HSPA1B: variants seen among roughly 807,000 people sequenced by gnomAD.
HSPA1B encodes heat shock protein family A (Hsp70) member 1B.
In HSPA1B, 7 loss-of-function variants were observed where a neutral mutation model predicts 9.0. The observed-to-expected ratio is 0.78, with a 90% CI of 0.44 to 1.46. The LOEUF is 1.46. Ranked by LOEUF, HSPA1B falls within the 40% of genes most tolerant of loss-of-function variation. HSPA1B has a pLI of 0.01. For missense variants in HSPA1B, 199 were observed against 424.5 expected, an observed-to-expected ratio of 0.47 and a Z score of 4.67; for synonymous variants, 125 against 184.5, an observed-to-expected ratio of 0.68 and a Z score of 2.61.
At position 31,829,986 on chromosome 6, in the gene HSPA1B, C is replaced by A; in HGVS notation, c.*110C>A. 7.9e-7 allele frequency: 1 copy of A among 1,262,916 alleles called. No homozygotes were observed. Among genetic ancestry groups the A allele is most frequent in the Non-Finnish European group, 1.1e-6 (1 of 930,138 alleles). 78.2% of individuals were successfully genotyped at this position (1,262,916 alleles called of 1,614,324 possible). A position where few individuals can be genotyped will look rare whatever the true frequency, so the allele number is the denominator to read the frequency against. On this transcript the variant is annotated 3_prime_UTR_variant, in exon 1 of 1. Coordinates refer to ENST00000375650, the MANE Select transcript of HSPA1B (RefSeq NM_005346.6). The stretch of plus-strand genomic sequence containing the variant: ...GCTTCAGCTCTTTGCTGCTTCACTT[C>A]TTTGTAAAGTTGTAACCTGATGGTA...
At position 31,829,998 on chromosome 6, in the gene HSPA1B, G is replaced by A. The variant is rs1816921698; in HGVS notation, c.*122G>A. ...TGCTGCTTCACTTCTTTGTAAAGTT[G>A]TAACCTGATGGTAATTAGCTGGCTT... On this transcript the variant is annotated 3_prime_UTR_variant, in exon 1 of 1. Coordinates refer to ENST00000375650, the MANE Select transcript of HSPA1B (RefSeq NM_005346.6). 1.3e-6 allele frequency: 1 copy of A among 767,624 alleles called. No individual in the cohort carries two copies. The allele number at this position is 767,624 out of a possible 1,614,324, so 47.6% of individuals were successfully genotyped here.
Position 31,828,414 on chromosome 6 carries a change from G to A in HSPA1B, c.464G>A (p.Arg155His). ...TVPAYFNDSQ[R>H]QATKDAGVIA... is the part of the protein sequence containing the mutation. ...CCGGCCTACTTCAACGACTCGCAGC[G>A]CCAGGCCACCAAGGATGCGGGTGTG... is the stretch of plus-strand genomic sequence containing the variant. Residue 155 changes from arginine to histidine, a missense_variant, in exon 1 of 1, where the codon CGC (arginine) becomes CAC (histidine). Coordinates refer to ENST00000375650, the MANE Select transcript of HSPA1B (RefSeq NM_005346.6). The A allele has an allele frequency of 2.7e-6, 1 of 366,604 alleles. No individual in the cohort carries two copies. The allele number at this position is 366,604 out of a possible 1,614,324, so 22.7% of individuals were successfully genotyped here.
chr6:31,827,773 C>G lies in HSPA1B; in HGVS notation c.-178C>G, dbSNP rs6457452. 106 of 1,389,236 alleles carry G rather than the reference C, an allele frequency of 7.6e-5. 1 individual carries two copies. The African/African-American group carries it at 1.4e-3, about 19-fold the overall frequency. The allele number at this position is 1,389,236 out of a possible 1,614,324, so 86.1% of individuals were successfully genotyped here. A position where few individuals can be genotyped will look rare whatever the true frequency, so the allele number is the denominator to read the frequency against. On this transcript the variant is annotated 5_prime_UTR_variant, in exon 1 of 1. Transcript: ENST00000375650. ...CCTGAGGAGCTGCTGCGAGGGTCCG[C>G]TTCGTCTTTCGAGAGTGACTCCCGC...
rs9279427 is a variant in HSPA1B, at chr6:31,830,146, G to GTTTTTTTTTTTTTTTTTTTTTTTTTT, written c.*294_*295insTTTTTTTTTTTTTTTTTTTTTTTTTT. On this transcript the variant is annotated 3_prime_UTR_variant, in exon 1 of 1. Coordinates refer to ENST00000375650, the MANE Select transcript of HSPA1B (RefSeq NM_005346.6). ...TGCCACCTTCTGTACGAGTTTGTTTGTTTTTTTTTTTTTTTTTTTTTTTTG... is the reference window on the plus strand; with the variant it reads ...TGCCACCTTCTGTACGAGTTTGTTTGTTTTTTTTTTTTTTTTTTTTTTTTTTTTTTTTTTTTTTTTTTTTTTTTTTG... 2 of 80,724 alleles carry GTTTTTTTTTTTTTTTTTTTTTTTTTT rather than the reference G, an allele frequency of 2.5e-5. No homozygotes were observed. Among genetic ancestry groups the GTTTTTTTTTTTTTTTTTTTTTTTTTT allele is most frequent in the Non-Finnish European group, 2.2e-5 (1 of 45,756 alleles). 5.0% of individuals were successfully genotyped at this position (80,724 alleles called of 1,614,324 possible). A position where few individuals can be genotyped will look rare whatever the true frequency, so the allele number is the denominator to read the frequency against.
In HSPA1B at chr6:31,827,901, C is replaced by G. The variant is rs768546865; in HGVS notation, c.-50C>G. On this transcript the variant is annotated 5_prime_UTR_variant, in exon 1 of 1. Transcript: ENST00000375650. Reference sequence around the variant, plus strand: ...AGCTCTTGTCGCGGATCCCGTCCGCCGTTTCCAGCCCCCAGTCTCAGAGCG... The same window carrying G: ...AGCTCTTGTCGCGGATCCCGTCCGCGGTTTCCAGCCCCCAGTCTCAGAGCG... 1 of 1,613,266 alleles carries G rather than the reference C, an allele frequency of 6.2e-7. No homozygotes were observed. The highest frequency in any genetic ancestry group is 8.5e-7 in the Non-Finnish European group (1 of 1,179,812).
rs768215193 is a variant in HSPA1B at position 31,828,151 on chromosome 6, G to A, written c.201G>A (p.Val67=). Residue 67 remains valine (V), a synonymous_variant, in exon 1 of 1, where the codon GTG becomes GTA. Transcript: ENST00000375650. ...TGGCGCTGAACCCGCAGAACACCGT[G>A]TTTGACGCGAAGCGGCTGATTGGCC... The part of the protein sequence containing the change: ...NQVALNPQNT[V]FDAKRLIGRK... The A allele has an allele frequency of 3.0e-5, 45 of 1,504,070 alleles. No homozygotes were observed. The highest frequency in any genetic ancestry group is 3.8e-5 in the Non-Finnish European group (43 of 1,117,564). 93.2% of individuals were successfully genotyped at this position (1,504,070 alleles called of 1,614,324 possible). A position where few individuals can be genotyped will look rare whatever the true frequency, so the allele number is the denominator to read the frequency against.
At position 31,827,809 on chromosome 6, in the gene HSPA1B, C is replaced by T. The variant is rs1251925188; in HGVS notation, c.-142C>T. The T allele has an allele frequency of 1.3e-6, 2 of 1,541,782 alleles. No homozygotes were observed. Among genetic ancestry groups the T allele is most frequent in the Non-Finnish European group, 1.8e-6 (2 of 1,133,756 alleles). ...GAGAGTGACTCCCGCGGTCCCAAGG[C>T]TTTCCAGAGCGAACCTGTGCGGCTG... On this transcript the variant is annotated 5_prime_UTR_variant, in exon 1 of 1. Coordinates refer to ENST00000375650, the MANE Select transcript of HSPA1B (RefSeq NM_005346.6).
Position 31,827,755 on chromosome 6 carries a change from A to G in HSPA1B, c.-196A>G, listed in dbSNP as rs1237077980. 3 of 1,251,686 alleles carry G rather than the reference A, an allele frequency of 2.4e-6. No homozygotes were observed. The African/African-American group carries it at 4.4e-5, about 19-fold the overall frequency. 77.5% of individuals were successfully genotyped at this position (1,251,686 alleles called of 1,614,324 possible). On this transcript the variant is annotated 5_prime_UTR_variant, in exon 1 of 1. Transcript: ENST00000375650. ...GGTCCGGAAAACGGCCAGCCTGAGG[A>G]GCTGCTGCGAGGGTCCGCTTCGTCT...
chr6:31,829,848 C>T lies in HSPA1B; in HGVS notation c.1898C>T (p.Ser633Leu). The T allele has an allele frequency of 1.9e-6, 3 of 1,612,654 alleles. No individual in the cohort carries two copies. The highest frequency in any genetic ancestry group is 2.5e-6 in the Non-Finnish European group (3 of 1,179,868). The part of the protein sequence containing the change: ...GAQGPKGGSG[S>L]GPTIEEVD Reference sequence around the variant, plus strand: ...CAGGGTCCCAAGGGAGGGTCTGGGTCAGGCCCTACCATTGAGGAGGTGGAT... The same window carrying T: ...CAGGGTCCCAAGGGAGGGTCTGGGTTAGGCCCTACCATTGAGGAGGTGGAT... Residue 633 changes from serine to leucine, a missense_variant, in exon 1 of 1, where the codon TCA (serine) becomes TTA (leucine). By Grantham distance (145) the Ser-to-Leu change is moderately radical. This residue lies in a region of HSPA1B where 67 missense variants were observed against 106.4 expected (regional missense o/e 0.63). Coordinates refer to ENST00000375650, the MANE Select transcript of HSPA1B (RefSeq NM_005346.6).
chr6:31,827,819 C>T lies in HSPA1B; in HGVS notation c.-132C>T, dbSNP rs1224316347. 2.6e-6 allele frequency: 4 copies of T among 1,563,152 alleles called. No homozygotes were observed. The highest frequency in any genetic ancestry group is 2.3e-5 in the South Asian group (2 of 87,654). ...CCCGCGGTCCCAAGGCTTTCCAGAG[C>T]GAACCTGTGCGGCTGCAGGCACCGG... On this transcript the variant is annotated 5_prime_UTR_variant, in exon 1 of 1. Coordinates refer to ENST00000375650, the MANE Select transcript of HSPA1B (RefSeq NM_005346.6).
chr6:31,829,948 C>T lies in HSPA1B; in HGVS notation c.*72C>T. The T allele has an allele frequency of 6.5e-7, 1 of 1,544,146 alleles. No individual in the cohort carries two copies. Among genetic ancestry groups the T allele is most frequent in the East Asian group, 2.3e-5 (1 of 44,250 alleles). ...ACTCAAGGACTTTGCTGCTGTTTTCCTATGTCATTTCTGCTTCAGCTCTTT... is the reference window on the plus strand; with the variant it reads ...ACTCAAGGACTTTGCTGCTGTTTTCTTATGTCATTTCTGCTTCAGCTCTTT... On this transcript the variant is annotated 3_prime_UTR_variant, in exon 1 of 1. Transcript: ENST00000375650.
rs1292155555 is a variant in HSPA1B, at chr6:31,828,008, G to A, written c.58G>A (p.Val20Met). ...DLGTTYSCVGVFQHGKVEIIA... is the reference protein window; with the variant it reads ...DLGTTYSCVGMFQHGKVEIIA... Reference sequence around the variant, plus strand: ...GGGCACCACCTACTCCTGCGTGGGGGTGTTCCAACACGGCAAGGTGGAGAT... The same window carrying A: ...GGGCACCACCTACTCCTGCGTGGGGATGTTCCAACACGGCAAGGTGGAGAT... Residue 20 changes from valine (V) to methionine (M), a missense_variant, in exon 1 of 1, where the codon GTG becomes ATG. Physicochemically the swap from Val to Met is conservative, Grantham distance 21. This residue lies in a region of HSPA1B where 51 missense variants were observed against 70.9 expected (regional missense o/e 0.72). Transcript: ENST00000375650. 2.5e-6 allele frequency: 4 copies of A among 1,611,724 alleles called. No individual in the cohort carries two copies. The Admixed American group carries it at 5.0e-5, about 20-fold the overall frequency.
rs1816899694 is a variant in HSPA1B, at chr6:31,829,759, T to C, written c.1809T>C (p.Cys603=). 1 of 1,612,370 alleles carries C rather than the reference T, an allele frequency of 6.2e-7. No homozygotes were observed. The highest frequency in any genetic ancestry group is 8.5e-7 in the Non-Finnish European group (1 of 1,179,920). ...AGAGGAAGGAGCTGGAGCAGGTGTG[T>C]AACCCCATCATCAGCGGACTGTACC... ...EHKRKELEQV[C]NPIISGLYQG... Residue 603 remains cysteine (C), a synonymous_variant, in exon 1 of 1, where the codon TGT becomes TGC. Coordinates refer to ENST00000375650, the MANE Select transcript of HSPA1B (RefSeq NM_005346.6).
Position 31,829,930 on chromosome 6 carries a change from G to C in HSPA1B, c.*54G>C. On this transcript the variant is annotated 3_prime_UTR_variant, in exon 1 of 1. Transcript: ENST00000375650. Reference sequence around the variant, plus strand: ...TTGAGGTGGACTGTTGGGACTCAAGGACTTTGCTGCTGTTTTCCTATGTCA... The same window carrying C: ...TTGAGGTGGACTGTTGGGACTCAAGCACTTTGCTGCTGTTTTCCTATGTCA... The C allele has an allele frequency of 6.3e-7, 1 of 1,575,892 alleles. No individual in the cohort carries two copies.
chr6:31,828,381 T>G lies in HSPA1B; in HGVS notation c.431T>G (p.Ile144Ser). The G allele has an allele frequency of 2.4e-6, 1 of 409,794 alleles. No individual in the cohort carries two copies. The highest frequency in any genetic ancestry group is 4.1e-6 in the Non-Finnish European group (1 of 244,388). The allele number at this position is 409,794 out of a possible 1,614,324, so 25.4% of individuals were successfully genotyped here. A position where few individuals can be genotyped will look rare whatever the true frequency, so the allele number is the denominator to read the frequency against. The change falls in exon 1 of 1, where the codon ATC becomes AGC. Residue 144 changes from isoleucine to serine, a missense_variant. Transcript: ENST00000375650. Reference sequence around the variant, plus strand: ...GGCTACCCGGTGACCAACGCGGTGATCACCGTGCCGGCCTACTTCAACGAC... The same window carrying G: ...GGCTACCCGGTGACCAACGCGGTGAGCACCGTGCCGGCCTACTTCAACGAC... Reference protein sequence around the residue: ...YLGYPVTNAVITVPAYFNDSQ... With the variant: ...YLGYPVTNAVSTVPAYFNDSQ...
rs372841582 is a variant in HSPA1B at position 31,829,888 on chromosome 6, C to T, written c.*12C>T. 3.7e-5 allele frequency: 60 copies of T among 1,610,228 alleles called. No homozygotes were observed. Among genetic ancestry groups the T allele is most frequent in the Non-Finnish European group, 4.8e-5 (57 of 1,178,772 alleles). On this transcript the variant is annotated 3_prime_UTR_variant, in exon 1 of 1. Coordinates refer to ENST00000375650, the MANE Select transcript of HSPA1B (RefSeq NM_005346.6). Reference sequence around the variant, plus strand: ...AGGAGGTGGATTAGGGGCCTTTGTTCTTTAGTATGTTTGTCTTTGAGGTGG... The same window carrying T: ...AGGAGGTGGATTAGGGGCCTTTGTTTTTTAGTATGTTTGTCTTTGAGGTGG...
Position 31,830,226 on chromosome 6 carries a change from T to G in HSPA1B, c.*350T>G, listed in dbSNP as rs1223680605. On this transcript the variant is annotated 3_prime_UTR_variant, in exon 1 of 1. Transcript: ENST00000375650. ...TGTATGTTTTTATAATTTGTTTATT[T>G]AAATATGAAAAATAAAATGTTAAAC... 1 of 256,566 alleles carries G rather than the reference T, an allele frequency of 3.9e-6. No homozygotes were observed. Among genetic ancestry groups the G allele is most frequent in the Non-Finnish European group, 7.5e-6 (1 of 133,910 alleles). The allele number at this position is 256,566 out of a possible 1,614,324, so 15.9% of individuals were successfully genotyped here.
In HSPA1B at chr6:31,827,757, C is replaced by T. The variant is rs1392936390; in HGVS notation, c.-194C>T. Reference sequence around the variant, plus strand: ...TCCGGAAAACGGCCAGCCTGAGGAGCTGCTGCGAGGGTCCGCTTCGTCTTT... The same window carrying T: ...TCCGGAAAACGGCCAGCCTGAGGAGTTGCTGCGAGGGTCCGCTTCGTCTTT... On this transcript the variant is annotated 5_prime_UTR_variant, in exon 1 of 1. Coordinates refer to ENST00000375650, the MANE Select transcript of HSPA1B (RefSeq NM_005346.6). 3.9e-6 allele frequency: 5 copies of T among 1,278,486 alleles called. No individual in the cohort carries two copies. Among genetic ancestry groups the T allele is most frequent in the African/African-American group, 1.5e-5 (1 of 67,996 alleles). 79.2% of individuals were successfully genotyped at this position (1,278,486 alleles called of 1,614,324 possible).
rs56016655 is a variant in HSPA1B, at chr6:31,829,813, C to T, written c.1863C>T (p.Gly621=). 2 of 1,611,272 alleles carry T rather than the reference C, an allele frequency of 1.2e-6. No homozygotes were observed. Among genetic ancestry groups the T allele is most frequent in the Admixed American group, 1.7e-5 (1 of 59,538 alleles). The stretch of plus-strand genomic sequence containing the variant: ...GTGCCGGTGGTCCCGGGCCTGGCGG[C>T]TTCGGGGCTCAGGGTCCCAAGGGAG... The part of the protein sequence containing the change: ...YQGAGGPGPG[G]FGAQGPKGGS... The change falls in exon 1 of 1, where the codon GGC becomes GGT. Residue 621 remains glycine (G), a synonymous_variant. Transcript: ENST00000375650.
Sources: gnomAD v4.1 joint callset for allele counts on GRCh38, gnomAD v4.1.1 for gene constraint, gnomAD v4.1.1 regional missense constraint, MANE v1.5 for transcripts, NCBI Gene and HGNC (gene_info 2026-07-23, HGNC 2026-07-21) for gene names.